KHDRBS2: variants seen among roughly 807,000 people sequenced by gnomAD.
KHDRBS2 encodes KH RNA binding domain containing, signal transduction associated 2, also known as KH domain-containing, RNA-binding, signal transduction-associated protein 2.
A neutral mutation model predicts 44.3 loss-of-function variants in KHDRBS2; 26 were observed. The observed-to-expected ratio is 0.59, with a 90% confidence interval of 0.43 to 0.81. The LOEUF (loss-of-function observed/expected upper bound fraction) is 0.81, where lower values mean the gene tolerates loss of function less well. Among genes scored for constraint, KHDRBS2 ranks in the 40% least tolerant of loss-of-function variants. KHDRBS2 has a pLI of 0.00. For missense variants in KHDRBS2, 476 were observed against 433.1 expected, an observed-to-expected ratio of 1.10 and a Z score of -0.88; for synonymous variants, 194 against 151.1, an observed-to-expected ratio of 1.28 and a Z score of -2.08.
intron 2 of KHDRBS2, among the ~76,000 whole-genome samples, chr6:62,071,240 G>T (rs1795000067): frequency 6.6e-6 from 1 of 151,736 alleles, no homozygotes; most frequent in Non-Finnish European, 1.5e-5. Context: ...CTGGATATTA[G>T]CCCTTTGTCA....
intron 6 of KHDRBS2, among the ~76,000 whole-genome samples, chr6:61,775,481 A>C (rs1435001112): frequency 1.3e-5 from 2 of 152,212 alleles, no homozygotes; most frequent in East Asian, 3.9e-4. Flanking sequence ...AATCACAAGC[A>C]TTCTTATACA....
In KHDRBS2 at chr6:61,848,504, T is replaced by C. The variant is rs1447385844; in HGVS notation, c.810+46131A>G. Among the ~76,000 whole-genome samples, 165 of 55,156 alleles carry C rather than the reference T, an allele frequency of 3.0e-3. 9 individuals are homozygous for C. The highest frequency in any genetic ancestry group is 7.0e-3 in the African/African-American group (67 of 9,546). 36.2% of individuals were successfully genotyped at this position (55,156 alleles called of 152,430 possible). The stretch of plus-strand genomic sequence containing the variant: ...ATATATATATATGTATATATATATA[T>C]ATATATGTATATATGTATATATATA... On this transcript the variant is annotated intron_variant, in intron 6 of 8. Coordinates refer to ENST00000281156, the MANE Select transcript of KHDRBS2 (RefSeq NM_152688.4).
intron 2 of KHDRBS2, among the ~76,000 whole-genome samples, chr6:62,133,651 G>C (rs1199163462): frequency 6.6e-6 from 1 of 152,198 alleles, no homozygotes; most frequent in Admixed American, 6.5e-5. Flanking sequence ...TTCAGAAGAA[G>C]ATAGGACAAT....
Position 61,954,829 on chromosome 6 carries a change from T to C in KHDRBS2, c.483+23237A>G, listed in dbSNP as rs537579641. On this transcript the variant is annotated intron_variant, in intron 4 of 8. Transcript: ENST00000281156. ...ATACATACGCATGTGTATATACACA[T>C]GCATATGTATGTATACATATGCATG... Among the ~76,000 whole-genome samples, 124 of 101,042 alleles carry C rather than the reference T, an allele frequency of 1.2e-3. 37 individuals are homozygous for C. The highest frequency in any genetic ancestry group is 2.6e-3 in the Admixed American group (27 of 10,318). The allele number at this position is 101,042 out of a possible 152,430, so 66.3% of individuals were successfully genotyped here.
At chr6:62,153,717 C>T (rs1815732936) in intron 2 of KHDRBS2, among the ~76,000 whole-genome samples, 1 of 152,144 alleles carries the variant, frequency 6.6e-6, no homozygotes, top group Admixed American at 6.5e-5. Flanking sequence ...GGAGCAGCTA[C>T]TGTCAGACTC....
the KHDRBS2 span, among the ~76,000 whole-genome samples, chr6:61,586,845 A>T: frequency 6.6e-6 from 1 of 152,192 alleles, no homozygotes; most frequent in African/African-American, 2.4e-5. Context: ...AGCCAGCTTC[A>T]TCCTTGAACT....
At chr6:61,662,592 T>C in the KHDRBS2 span, among the ~76,000 whole-genome samples, 3 of 152,036 alleles carry the variant, frequency 2.0e-5, no homozygotes, top group East Asian at 3.9e-4. Flanking sequence ...GGGTGAAGGA[T>C]ATGAACAGAC....
intron 3 of KHDRBS2, among the ~76,000 whole-genome samples, chr6:61,994,762 A>C (rs1776850582): frequency 6.6e-6 from 1 of 152,190 alleles, no homozygotes; most frequent in Non-Finnish European, 1.5e-5. Context: ...TAAGTGCAAT[A>C]AAAGAAACAA....
intron 3 of KHDRBS2, among the ~76,000 whole-genome samples, chr6:61,985,889 C>T (rs192699091): frequency 5.6e-4 from 85 of 151,990 alleles, no homozygotes; most frequent in African/African-American, 2.0e-3. Flanking sequence ...AATAAATGAC[C>T]GCTTTTATGT....
chr6:61,983,220 C>CTTTT (rs1562580708), intron 3 of KHDRBS2, among the ~76,000 whole-genome samples: 1 of 76,452 alleles, frequency 1.3e-5, no homozygotes, highest in Admixed American at 1.7e-4. Context: ...TTCTTTCTTT[C>CTTTT]TTTCTTTCTT....
intron 2 of KHDRBS2, among the ~76,000 whole-genome samples, chr6:62,140,627 T>C (rs1812610009): frequency 6.6e-6 from 1 of 152,310 alleles, no homozygotes; most frequent in South Asian, 2.1e-4. Flanking sequence ...CCATCCACAC[T>C]TTCCGTTTTG....
At chr6:62,229,282 G>GTA (rs1832479889) in intron 1 of KHDRBS2, among the ~76,000 whole-genome samples, 1 of 152,102 alleles carries the variant, frequency 6.6e-6, no homozygotes, top group African/African-American at 2.4e-5. Context: ...GGGGCACTCG[G>GTA]TCTACAGTAT....
chr6:61,766,526 T>C (rs1780034368), intron 6 of KHDRBS2, among the ~76,000 whole-genome samples: 1 of 152,108 alleles, frequency 6.6e-6, no homozygotes, highest in South Asian at 2.1e-4. Context: ...GCTCTTACTT[T>C]TTTAGTTCTT....
chr6:61,834,917 T>TGATAGAAATGTTATGTTAC (rs1398951267), intron 6 of KHDRBS2, among the ~76,000 whole-genome samples: 2 of 151,894 alleles, frequency 1.3e-5, no homozygotes, highest in African/African-American at 4.8e-5. Context: ...TATGGTTTGT[T>TGATAGAAATGTTATGTTAC]GATAGAAATG....
intron 2 of KHDRBS2, among the ~76,000 whole-genome samples, chr6:62,048,317 G>A (rs1788200854): frequency 6.6e-6 from 1 of 151,726 alleles, no homozygotes; most frequent in East Asian, 1.9e-4. Context: ...AATCATGCTG[G>A]TTTACAGAAT....
At chr6:62,098,605 T>G (rs1190044498) in intron 2 of KHDRBS2, among the ~76,000 whole-genome samples, 1 of 152,184 alleles carries the variant, frequency 6.6e-6, no homozygotes, top group Non-Finnish European at 1.5e-5. Context: ...AGAGATCAAT[T>G]ATGATATGTC....
chr6:61,955,626 A>G (rs1232423311), intron 4 of KHDRBS2, among the ~76,000 whole-genome samples: 1 of 63,116 alleles, frequency 1.6e-5, no homozygotes, highest in African/African-American at 1.9e-4. Context: ...ATGTATGCAT[A>G]CATGTGTATA....
chr6:62,129,338 TC>T (rs1809709575), intron 2 of KHDRBS2, among the ~76,000 whole-genome samples: 1 of 152,010 alleles, frequency 6.6e-6, no homozygotes, highest in South Asian at 2.1e-4. Flanking sequence ...TCTGACAACA[TC>T]CATCACAGGT....
chr6:61,764,779 G>A (rs955220743), intron 6 of KHDRBS2, among the ~76,000 whole-genome samples: 11 of 148,808 alleles, frequency 7.4e-5, no homozygotes, highest in Non-Finnish European at 1.5e-5. Flanking sequence ...CTGGATATTA[G>A]ACCTTTGACA....
Sources: gnomAD v4.1 joint callset for allele counts (sites outside exome capture counted in the v4.1 genomes callset) on GRCh38, gnomAD v4.1.1 for gene constraint, MANE v1.5 for transcripts, NCBI Gene and HGNC (gene_info 2026-07-23, HGNC 2026-07-21) for gene names.